The following KCNK18 variants were observed in gnomAD, a reference collection of about 807,000 sequenced individuals.
The protein encoded by KCNK18 is potassium channel subfamily K member 18.
In KCNK18, 8 loss-of-function variants were observed where a neutral mutation model predicts 11.8. The ratio of observed to expected loss-of-function variants is 0.68; its 90% CI spans 0.40 to 1.22. The LOEUF is 1.22. Among genes scored for constraint, KCNK18 ranks in the 50% most tolerant of loss-of-function variants. The pLI is 0.01. For synonymous variants in KCNK18, 208 were observed against 185.8 expected (o/e 1.12, Z -0.97); for missense variants, 442 against 465.4 (o/e 0.95, Z 0.46).
intron 2 of KCNK18, among the ~76,000 whole-genome samples, chr10:117,201,833 C>T (rs363353): frequency 0.57 from 85,964 of 152,082 alleles, 25,916 homozygotes; most frequent in Middle Eastern, 0.68. Flanking sequence ...GGGCTGGGGG[C>T]GTGATGCCAC....
At chr10:117,203,056 A>T (rs530120386) in intron 2 of KCNK18, among the ~76,000 whole-genome samples, 92 of 151,844 alleles carry the variant, frequency 6.1e-4, no homozygotes, top group African/African-American at 2.1e-3. Flanking sequence ...TAGTATTTTT[A>T]CTAGAGACGG....
chr10:117,199,815 C>T (rs1033011791), intron 1 of KCNK18, among the ~76,000 whole-genome samples: 3 of 152,198 alleles, frequency 2.0e-5, no homozygotes, highest in Non-Finnish European at 4.4e-5. Context: ...TAGAGACTTC[C>T]TGCTGCATGC....
chr10:117,204,209 C>T (rs1387114398), intron 2 of KCNK18, among the ~76,000 whole-genome samples: 1 of 150,554 alleles, frequency 6.6e-6, no homozygotes, highest in East Asian at 2.0e-4. Flanking sequence ...CTGCAGTGAG[C>T]CATGATCGCG....
chr10:117,202,027 C>CAG (rs1438480037), intron 2 of KCNK18, among the ~76,000 whole-genome samples: 1 of 152,230 alleles, frequency 6.6e-6, no homozygotes, highest in Non-Finnish European at 1.5e-5. Flanking sequence ...GCTCTTGGGT[C>CAG]AGAGCCCTCA....
At chr10:117,203,977 GCCT>G (rs1296887589) in intron 2 of KCNK18, among the ~76,000 whole-genome samples, 2 of 152,170 alleles carry the variant, frequency 1.3e-5, no homozygotes, top group African/African-American at 4.8e-5. Context: ...ACCATGCCTA[GCCT>G]CCTCAAGAAT....
rs761885569 is a variant in KCNK18, at chr10:117,209,970, G to T, written c.826G>T (p.Val276Leu). The T allele has an allele frequency of 1.2e-6, 2 of 1,614,194 alleles. No homozygotes were observed. Among genetic ancestry groups the T allele is most frequent in the Non-Finnish European group, 1.7e-6 (2 of 1,180,040 alleles). The change falls in exon 3 of 3, where the codon GTG becomes TTG. Residue 276 changes from valine (V) to leucine (L), a missense_variant. Coordinates refer to ENST00000334549, the MANE Select transcript of KCNK18 (RefSeq NM_181840.1). ...CAACCTGGATGAAGTTGGACAGCAG[G>T]TGGAGAGGTTGGACATCCCCCTCCC... ...ISNLDEVGQQ[V>L]ERLDIPLPII...
At position 117,197,703 on chromosome 10, in the gene KCNK18, G is replaced by A. The variant is rs1422290948; in HGVS notation, c.215G>A (p.Ser72Asn). 1.2e-6 allele frequency: 2 copies of A among 1,614,064 alleles called. No individual in the cohort carries two copies. The highest frequency in any genetic ancestry group is 3.3e-5 in the Admixed American group (2 of 60,028). The change falls in exon 1 of 3, where the codon AGT (serine) becomes AAT (asparagine). Residue 72 changes from serine (S) to asparagine (N), a missense_variant. Ser to Asn is a conservative substitution (Grantham distance 46). Transcript: ENST00000334549. ...LEELCRILNCSETVVEDRKQD... is the reference protein window; with the variant it reads ...LEELCRILNCNETVVEDRKQD... ...GAGCTCTGCAGAATCTTGAACTGCAGTGAAACAGGTAGGTGCCTCACCTGG... is the reference window on the plus strand; with the variant it reads ...GAGCTCTGCAGAATCTTGAACTGCAATGAAACAGGTAGGTGCCTCACCTGG...
chr10:117,208,792 G>A (rs532339925), intron 2 of KCNK18, among the ~76,000 whole-genome samples: 259 of 150,548 alleles, frequency 1.7e-3, no homozygotes, highest in Admixed American at 4.5e-3. Context: ...CTAGGCTGGA[G>A]TGCAATGGCA....
intron 1 of KCNK18, among the ~76,000 whole-genome samples, chr10:117,200,761 G>A (rs933274029): frequency 1.3e-5 from 2 of 150,030 alleles, no homozygotes; most frequent in Non-Finnish European, 3.0e-5. Context: ...GCAGCGAGCC[G>A]AGATCACACC....
chr10:117,202,885 GCT>G (rs1491324363), intron 2 of KCNK18, among the ~76,000 whole-genome samples: 11 of 111,284 alleles, frequency 9.9e-5, no homozygotes, highest in East Asian at 2.6e-4. Context: ...TTGCCTGAAT[GCT>G]TTTTTTTTTT....
chr10:117,197,663 GAGA>G lies in KCNK18; in HGVS notation c.178_180del (p.Lys60del). 1 of 1,614,140 alleles carries G rather than the reference GAGA, an allele frequency of 6.2e-7. No individual in the cohort carries two copies. The highest frequency in any genetic ancestry group is 8.5e-7 in the Non-Finnish European group (1 of 1,180,024). ...GGTGGCAGCAGATGATGGAGAGTTT[GAGA>G]AGTTCTTGGAGGAGCTCTGCAGAAT... On this transcript the variant is annotated inframe_deletion, in exon 1 of 3. Transcript: ENST00000334549.
chr10:117,204,262 C>CA (rs965659766), intron 2 of KCNK18, among the ~76,000 whole-genome samples: 2 of 113,990 alleles, frequency 1.8e-5, no homozygotes, highest in African/African-American at 6.8e-5. Context: ...GCCTGGATGG[C>CA]AGAGTCTCAA....
chr10:117,199,037 G>A (rs959646537), intron 1 of KCNK18, among the ~76,000 whole-genome samples: 1 of 152,190 alleles, frequency 6.6e-6, no homozygotes, highest in South Asian at 2.1e-4. Context: ...CAAGGATAAG[G>A]CCAAGCATGG....
intron 1 of KCNK18, among the ~76,000 whole-genome samples, chr10:117,200,676 G>C (rs1453325145): frequency 6.6e-6 from 1 of 152,060 alleles, no homozygotes; most frequent in East Asian, 1.9e-4. Flanking sequence ...CATGGGTGTG[G>C]TAGTACGCCC....
At chr10:117,197,850 G>A (rs1705412978) in intron 1 of KCNK18, 139 bp downstream of exon 1, 1 of 723,656 alleles carries the variant, frequency 1.4e-6, no homozygotes, top group African/African-American at 1.8e-5. Context: ...CTTTAAGCGA[G>A]TAACTTCTTT....
At chr10:117,200,755 C>T (rs565986336) in intron 1 of KCNK18, among the ~76,000 whole-genome samples, 5 of 150,916 alleles carry the variant, frequency 3.3e-5, no homozygotes, top group Non-Finnish European at 7.4e-5. Flanking sequence ...GAGGTTGCAG[C>T]GAGCCGAGAT....
intron 2 of KCNK18, among the ~76,000 whole-genome samples, chr10:117,201,596 T>C (rs1234151570): frequency 6.6e-6 from 1 of 152,128 alleles, no homozygotes; most frequent in African/African-American, 2.4e-5. Context: ...GTCGCACAGT[T>C]CATGTGCGTT....
At chr10:117,198,667 G>GCCCCT (rs1245002117) in intron 1 of KCNK18, among the ~76,000 whole-genome samples, 1 of 152,206 alleles carries the variant, frequency 6.6e-6, no homozygotes, top group East Asian at 1.9e-4. Context: ...GGTGCAGGGA[G>GCCCCT]CCCCTCCCCT....
In KCNK18 at chr10:117,198,025, G is replaced by A. The variant is rs186167307; in HGVS notation, c.223+314G>A. 2.4e-3 allele frequency among the ~76,000 whole-genome samples: 362 copies of A among 152,266 alleles called. 3 individuals are homozygous for A. Among genetic ancestry groups the A allele is most frequent in the African/African-American group, 8.4e-3 (350 of 41,560 alleles). The stretch of plus-strand genomic sequence containing the variant: ...CCCATCCAGACCAGTGGCCTCAGGG[G>A]ACGATGGATTACTGGGAATTTGGTG... On this transcript the variant is annotated intron_variant, in intron 1 of 2. Transcript: ENST00000334549.
Sources: gnomAD v4.1 joint callset for allele counts (sites outside exome capture counted in the v4.1 genomes callset) on GRCh38, gnomAD v4.1.1 for gene constraint, MANE v1.5 for transcripts, NCBI Gene and HGNC (gene_info 2026-07-23, HGNC 2026-07-21) for gene names.